Variants in KCNT2 observed in about 807,000 individuals in gnomAD.
KCNT2 encodes the protein potassium channel subfamily T member 2.
A neutral mutation model predicts 153.8 loss-of-function variants in KCNT2; 67 were observed. The ratio of observed to expected loss-of-function variants is 0.44; its 90% confidence interval spans 0.36 to 0.53. KCNT2 has a LOEUF of 0.53. Ranked by LOEUF, KCNT2 falls within the 20% of genes least tolerant of loss-of-function variation. The pLI is 0.00. For missense variants in KCNT2, 975 were observed against 1,354.8 expected, an observed-to-expected ratio of 0.72 and a Z score of 4.40; for synonymous variants, 500 against 458.8, an observed-to-expected ratio of 1.09 and a Z score of -1.15.
chr1:196,578,768 C>A (rs1253033833), intron 1 of KCNT2, among the ~76,000 whole-genome samples: 1 of 152,082 alleles, frequency 6.6e-6, no homozygotes, highest in South Asian at 2.1e-4. Flanking sequence ...TCAGCTACCC[C>A]CCATGTCACC....
chr1:196,377,343 G>A (rs927776711), intron 13 of KCNT2, among the ~76,000 whole-genome samples: 1 of 151,488 alleles, frequency 6.6e-6, no homozygotes, highest in South Asian at 2.1e-4. Context: ...TTTTTTTGGT[G>A]GGGGGGAGAA....
intron 12 of KCNT2, among the ~76,000 whole-genome samples, chr1:196,408,919 G>A (rs912452797): frequency 1.3e-5 from 2 of 151,452 alleles, no homozygotes; most frequent in Non-Finnish European, 3.0e-5. Context: ...TTAATCTACT[G>A]ATCCCCTGCA....
At chr1:196,309,786 ATT>A (rs940673215) in intron 21 of KCNT2, among the ~76,000 whole-genome samples, 1 of 151,854 alleles carries the variant, frequency 6.6e-6, no homozygotes, top group African/African-American at 2.4e-5. Context: ...AGCTAAACAC[ATT>A]TTGCATGTAG....
At chr1:196,280,075 T>A (rs1280270454) in intron 25 of KCNT2, among the ~76,000 whole-genome samples, 1 of 151,960 alleles carries the variant, frequency 6.6e-6, no homozygotes, top group East Asian at 1.9e-4. Flanking sequence ...GAAAAAAAAA[T>A]TCAAGAATAC....
intron 25 of KCNT2, among the ~76,000 whole-genome samples, chr1:196,264,521 C>T (rs750133391): frequency 6.6e-6 from 1 of 152,114 alleles, no homozygotes. Context: ...CTTTCAAGTG[C>T]CAACACTCTT....
intron 1 of KCNT2, chr1:196,582,312 A>G (rs1662160508): frequency 6.6e-6 from 1 of 152,354 alleles, no homozygotes. Context: ...TTGGGCATGT[A>G]AAGTACTTGG....
At chr1:196,393,379 A>C (rs569890080) in intron 13 of KCNT2, among the ~76,000 whole-genome samples, 1 of 151,582 alleles carries the variant, frequency 6.6e-6, no homozygotes, top group African/African-American at 2.4e-5. Flanking sequence ...TGTTTATCTA[A>C]ATTTAGCTAT....
At chr1:196,504,353 T>G (rs1304767607) in intron 1 of KCNT2, among the ~76,000 whole-genome samples, 1 of 151,986 alleles carries the variant, frequency 6.6e-6, no homozygotes. Context: ...TTTGTCCTTG[T>G]GATAGTTTAC....
chr1:196,597,489 G>A (rs141164043), intron 1 of KCNT2, among the ~76,000 whole-genome samples: 17 of 151,932 alleles, frequency 1.1e-4, no homozygotes, highest in East Asian at 3.9e-4. Flanking sequence ...AGAATGTTAT[G>A]AGTCTTATGA....
intron 1 of KCNT2, among the ~76,000 whole-genome samples, chr1:196,526,759 G>GT (rs1017730018): frequency 1.5e-4 from 23 of 151,916 alleles, no homozygotes; most frequent in Non-Finnish European, 1.5e-4. Flanking sequence ...CCACTATGTA[G>GT]TTTTTTTTGG....
At chr1:196,582,545 G>A (rs1662192709) in intron 1 of KCNT2, 1 of 154,216 alleles carries the variant, frequency 6.5e-6, no homozygotes, top group Admixed American at 6.6e-5. Flanking sequence ...AAGTTTGGAA[G>A]GGTTGGTTAG....
At chr1:196,580,150 A>G (rs1661858641) in intron 1 of KCNT2, among the ~76,000 whole-genome samples, 1 of 152,176 alleles carries the variant, frequency 6.6e-6, no homozygotes, top group Non-Finnish European at 1.5e-5. Context: ...AGCAAATAGG[A>G]CACTCAAGTA....
At chr1:196,593,852 G>A (rs1663720154) in intron 1 of KCNT2, among the ~76,000 whole-genome samples, 1 of 152,030 alleles carries the variant, frequency 6.6e-6, no homozygotes, top group Admixed American at 6.6e-5. Context: ...GGTCACAGAT[G>A]TATTTCACAT....
chr1:196,397,669 C>G (rs1215787658), intron 13 of KCNT2, among the ~76,000 whole-genome samples: 1 of 151,336 alleles, frequency 6.6e-6, no homozygotes, highest in Non-Finnish European at 1.5e-5. Context: ...GAATAGCAAC[C>G]ATTTCATAAT....
At chr1:196,375,053 A>T (rs1339919548) in intron 13 of KCNT2, among the ~76,000 whole-genome samples, 1 of 151,906 alleles carries the variant, frequency 6.6e-6, no homozygotes, top group Admixed American at 6.6e-5. Context: ...CTTTGAAAAT[A>T]TCTCATTGTA....
chr1:196,518,877 G>T (rs1277809645), intron 1 of KCNT2, among the ~76,000 whole-genome samples: 1 of 152,106 alleles, frequency 6.6e-6, no homozygotes, highest in Non-Finnish European at 1.5e-5. Context: ...GTCTTAGAGA[G>T]ATCAGTGAGG....
intron 22 of KCNT2, among the ~76,000 whole-genome samples, chr1:196,297,166 GA>G (rs1660748599): frequency 6.6e-6 from 1 of 151,696 alleles, no homozygotes; most frequent in African/African-American, 2.4e-5. Flanking sequence ...ATATGTTTAT[GA>G]AAAGACAATT....
At chr1:196,332,911 A>G (rs1664608363) in intron 17 of KCNT2, among the ~76,000 whole-genome samples, 1 of 151,444 alleles carries the variant, frequency 6.6e-6, no homozygotes, top group Non-Finnish European at 1.5e-5. Flanking sequence ...CAGCCTTCCA[A>G]GTAGGTAGGA....
intron 20 of KCNT2, among the ~76,000 whole-genome samples, chr1:196,318,309 G>A (rs2148031350): frequency 6.6e-6 from 1 of 151,782 alleles, no homozygotes; most frequent in East Asian, 1.9e-4. Context: ...TCAAATACAA[G>A]CAAAAGAGGA....
Sources: gnomAD v4.1 joint callset for allele counts (sites outside exome capture counted in the v4.1 genomes callset) on GRCh38, gnomAD v4.1.1 for gene constraint, MANE v1.5 for transcripts, NCBI Gene and HGNC (gene_info 2026-07-23, HGNC 2026-07-21) for gene names.